ACYP2: variants seen among roughly 807,000 people sequenced by gnomAD.
ACYP2 encodes the protein acylphosphatase-2.
In ACYP2, 12 loss-of-function variants were observed where a neutral mutation model predicts 11.2. The observed-to-expected ratio is 1.08, with a 90% CI of 0.69 to 1.74. ACYP2 has a LOEUF of 1.74. Ranked by LOEUF, ACYP2 falls within the 40% of genes most tolerant of loss-of-function variation. The pLI is 0.00. For synonymous variants in ACYP2, 43 were observed against 32.2 expected (o/e 1.33, Z -1.13); for missense variants, 134 against 101.9 (o/e 1.31, Z -1.35).
intron 6 of ACYP2, among the ~76,000 whole-genome samples, chr2:54,268,756 C>T: frequency 6.6e-6 from 1 of 152,032 alleles, no homozygotes; most frequent in Non-Finnish European, 1.5e-5. Flanking sequence ...CTGCAGTGAG[C>T]CGTGTTGGCA....
intron 2 of ACYP2, among the ~76,000 whole-genome samples, chr2:53,993,844 G>C (rs887328146): frequency 6.6e-6 from 1 of 152,058 alleles, no homozygotes; most frequent in Non-Finnish European, 1.5e-5. Flanking sequence ...AGAAAGTTGA[G>C]AATTTGTAAA....
At chr2:54,058,824 G>T (rs1232977609) in intron 4 of ACYP2, among the ~76,000 whole-genome samples, 1 of 151,910 alleles carries the variant, frequency 6.6e-6, no homozygotes, top group Non-Finnish European at 1.5e-5. Context: ...TTCTGTGTGA[G>T]GGAGAAGTTT....
intron 4 of ACYP2, among the ~76,000 whole-genome samples, chr2:54,129,882 T>C (rs1680795277): frequency 6.7e-6 from 1 of 148,378 alleles, no homozygotes; most frequent in African/African-American, 2.4e-5. Flanking sequence ...TTAATATTAT[T>C]AATGATATTA....
At chr2:54,268,281 A>G (rs943276889) in intron 6 of ACYP2, among the ~76,000 whole-genome samples, 1 of 152,192 alleles carries the variant, frequency 6.6e-6, no homozygotes, top group African/African-American at 2.4e-5. Context: ...TTGTTGGACT[A>G]CTTAAGTCAT....
At chr2:54,071,725 G>A (rs565591837) in intron 4 of ACYP2, among the ~76,000 whole-genome samples, 7 of 152,166 alleles carry the variant, frequency 4.6e-5, no homozygotes, top group South Asian at 2.1e-4. Flanking sequence ...TAAAAATGAC[G>A]TTAGGCCGGG....
chr2:53,981,601 A>C (rs1198691760), intron 2 of ACYP2, among the ~76,000 whole-genome samples: 2 of 152,178 alleles, frequency 1.3e-5, no homozygotes, highest in East Asian at 3.8e-4. Context: ...GCCACGCATA[A>C]AAAGGGGAGG....
At chr2:53,974,056 A>G (rs1289501469) in intron 2 of ACYP2, among the ~76,000 whole-genome samples, 1 of 151,020 alleles carries the variant, frequency 6.6e-6, no homozygotes, top group Non-Finnish European at 1.5e-5. Flanking sequence ...ACAGGTGCGC[A>G]CCACCACATC....
chr2:53,971,677 A>G (rs531311908), intron 1 of ACYP2, among the ~76,000 whole-genome samples: 26 of 152,230 alleles, frequency 1.7e-4, no homozygotes, highest in African/African-American at 6.3e-4. Context: ...TAATTGCTAG[A>G]TAAGTACAAG....
At chr2:54,230,163 A>G (rs575371812) in intron 6 of ACYP2, among the ~76,000 whole-genome samples, 68 of 152,194 alleles carry the variant, frequency 4.5e-4, no homozygotes, top group Non-Finnish European at 7.3e-4. Context: ...TCCACATTCT[A>G]TAGAGAATCC....
chr2:54,189,102 G>A (rs766587184), intron 6 of ACYP2, among the ~76,000 whole-genome samples: 3 of 152,102 alleles, frequency 2.0e-5, no homozygotes, highest in Non-Finnish European at 4.4e-5. Context: ...AGATACATGT[G>A]GATAGTAAAA....
rs188216536 is a variant in ACYP2, at chr2:54,093,283, A to T, written c.277+35923A>T. On this transcript the variant is annotated intron_variant, in intron 4 of 6. Transcript: ENST00000607452. ...AGGTGTAAGCATATTCTCTAGAGTT[A>T]CACAGACAACTGCCGGAAGAACTAA... Among the ~76,000 whole-genome samples the T allele has an allele frequency of 5.9e-5, 9 of 152,380 alleles. 1 individual carries two copies. In the East Asian group the frequency reaches 1.5e-3, roughly 26 times the overall value.
At chr2:54,039,819 T>TGTGTG (rs1675125815) in intron 2 of ACYP2, among the ~76,000 whole-genome samples, 73 of 126,684 alleles carry the variant, frequency 5.8e-4, no homozygotes, top group East Asian at 2.2e-3. Flanking sequence ...TTGTTTTCTT[T>TGTGTG]TGTGTGTGTG....
At chr2:54,179,988 G>A (rs534299073) in intron 6 of ACYP2, among the ~76,000 whole-genome samples, 1 of 152,244 alleles carries the variant, frequency 6.6e-6, no homozygotes, top group East Asian at 1.9e-4. Flanking sequence ...CTCGGCCTCT[G>A]GAACTTCTGA....
At chr2:54,097,988 A>T (rs1323185782) in intron 4 of ACYP2, among the ~76,000 whole-genome samples, 1 of 111,182 alleles carries the variant, frequency 9.0e-6, no homozygotes. Flanking sequence ...TTTGAGGTGG[A>T]GTCTCCCTCT....
chr2:54,133,475 A>T (rs1039783245), intron 4 of ACYP2, among the ~76,000 whole-genome samples: 1 of 152,154 alleles, frequency 6.6e-6, no homozygotes, highest in African/African-American at 2.4e-5. Flanking sequence ...TTCCAAATTT[A>T]CCATGTGTTC....
intron 6 of ACYP2, among the ~76,000 whole-genome samples, chr2:54,281,793 A>G (rs1472180368): frequency 6.6e-6 from 1 of 152,218 alleles, no homozygotes; most frequent in African/African-American, 2.4e-5. Flanking sequence ...TAGATCCTAG[A>G]TTATGAAAAA....
At chr2:53,984,411 C>G (rs1282513300) in intron 2 of ACYP2, among the ~76,000 whole-genome samples, 1 of 151,804 alleles carries the variant, frequency 6.6e-6, no homozygotes, top group Non-Finnish European at 1.5e-5. Flanking sequence ...AACTCCATCT[C>G]TACTCAAAAT....
intron 2 of ACYP2, among the ~76,000 whole-genome samples, chr2:54,014,745 T>C (rs1406043030): frequency 6.6e-6 from 1 of 152,118 alleles, no homozygotes; most frequent in Non-Finnish European, 1.5e-5. Context: ...TTTTTTTCTT[T>C]TTTGTTTCTT....
At chr2:54,182,283 C>T (rs1304135961) in intron 6 of ACYP2, among the ~76,000 whole-genome samples, 4 of 151,834 alleles carry the variant, frequency 2.6e-5, no homozygotes, top group Non-Finnish European at 5.9e-5. Context: ...TGGTCTCAAA[C>T]TCCTGCCCTC....
Sources: gnomAD v4.1 joint callset for allele counts (sites outside exome capture counted in the v4.1 genomes callset) on GRCh38, gnomAD v4.1.1 for gene constraint, MANE v1.5 for transcripts, NCBI Gene and HGNC (gene_info 2026-07-23, HGNC 2026-07-21) for gene names.